The following FRMD4A variants were observed in gnomAD, a reference collection of about 807,000 sequenced individuals.
The protein encoded by FRMD4A is FERM domain-containing protein 4A.
In FRMD4A, 29 loss-of-function variants were observed where a neutral mutation model predicts 129.1. The observed-to-expected ratio is 0.22, with a 90% CI of 0.17 to 0.31. The LOEUF (loss-of-function observed/expected upper bound fraction) is 0.31. FRMD4A is among the 10% of genes least tolerant of loss of function. The pLI, the probability that FRMD4A is intolerant of heterozygous loss-of-function variation, is 1.00. For synonymous variants in FRMD4A, 634 were observed against 571.6 expected, an observed-to-expected ratio of 1.11 and a Z score of -1.56; for missense variants, 1,272 against 1,375.8, an observed-to-expected ratio of 0.92 and a Z score of 1.19.
At chr10:13,663,317 G>T in intron 19 of FRMD4A, 136 bp downstream of exon 19, 1 of 636,562 alleles carries the variant, frequency 1.6e-6, no homozygotes, top group Non-Finnish European at 2.8e-6. Flanking sequence ...ACTGGGAAAT[G>T]AGAGAGCTTG....
At chr10:13,686,362 T>C (rs1354057600) in intron 15 of FRMD4A, among the ~76,000 whole-genome samples, 1 of 152,244 alleles carries the variant, frequency 6.6e-6, no homozygotes, top group African/African-American at 2.4e-5. Context: ...GCCGCCATCA[T>C]GACGCTGACA....
chr10:13,888,878 A>G (rs2094659368), intron 2 of FRMD4A, among the ~76,000 whole-genome samples: 1 of 152,248 alleles, frequency 6.6e-6, no homozygotes, highest in Non-Finnish European at 1.5e-5. Flanking sequence ...ATTCTTCAAA[A>G]GTTATACTGT....
intron 2 of FRMD4A, among the ~76,000 whole-genome samples, chr10:14,075,664 G>A (rs1292740669): frequency 1.3e-5 from 2 of 152,078 alleles, no homozygotes; most frequent in African/African-American, 2.4e-5. Context: ...GCATGTGTGG[G>A]TATAATTTCT....
intron 2 of FRMD4A, among the ~76,000 whole-genome samples, chr10:13,914,295 C>A (rs1484650492): frequency 1.3e-5 from 2 of 152,120 alleles, no homozygotes; most frequent in East Asian, 3.8e-4. Context: ...GGTAAAATAA[C>A]CATATACAAG....
chr10:13,755,682 T>G (rs544886282), intron 8 of FRMD4A, among the ~76,000 whole-genome samples: 25 of 152,324 alleles, frequency 1.6e-4, no homozygotes, highest in African/African-American at 5.1e-4. Flanking sequence ...AAGCAAGCTG[T>G]TTTTCATTTT....
At chr10:13,896,061 G>A (rs561033148) in intron 2 of FRMD4A, among the ~76,000 whole-genome samples, 59 of 152,250 alleles carry the variant, frequency 3.9e-4, no homozygotes, top group Middle Eastern at 6.8e-3. Flanking sequence ...ATGCTTTTAC[G>A]CTGTTGGTGG....
intron 2 of FRMD4A, among the ~76,000 whole-genome samples, chr10:13,950,052 C>G (rs918757919): frequency 3.9e-5 from 6 of 152,234 alleles, no homozygotes; most frequent in African/African-American, 1.4e-4. Context: ...CTTCACAACT[C>G]TTTGCTGGGG....
intron 2 of FRMD4A, among the ~76,000 whole-genome samples, chr10:14,140,679 C>G (rs528996901): frequency 6.6e-6 from 1 of 152,140 alleles, no homozygotes; most frequent in Admixed American, 6.5e-5. Flanking sequence ...TCTCCTTAGA[C>G]CTATTCTCTT....
chr10:13,709,526 A>C (rs1348483471), intron 12 of FRMD4A, among the ~76,000 whole-genome samples: 1 of 151,866 alleles, frequency 6.6e-6, no homozygotes. Flanking sequence ...TCAAGCCCTG[A>C]GTTTTGGATT....
chr10:14,188,148 A>G (rs1419225138), intron 2 of FRMD4A, among the ~76,000 whole-genome samples: 1 of 152,158 alleles, frequency 6.6e-6, no homozygotes, highest in African/African-American at 2.4e-5. Context: ...TGTAAAAATG[A>G]CTTATTTCAT....
chr10:13,737,784 C>G lies in FRMD4A; in HGVS notation c.759+60G>C, dbSNP rs766393637. ...GGCGTTAGCATTTTTAAAGTGACTC[C>G]TACGCCTGTTCCTCTCTGGATCTGA... On this transcript the variant is annotated intron_variant, in intron 12 of 24. Coordinates refer to ENST00000357447, the MANE Select transcript of FRMD4A (RefSeq NM_018027.5). 3.1e-5 allele frequency: 29 copies of G among 924,898 alleles called. No individual in the cohort carries two copies. In the East Asian group the frequency reaches 5.8e-4, roughly 18 times the overall value. 57.3% of individuals were successfully genotyped at this position (924,898 alleles called of 1,614,324 possible).
At chr10:13,861,388 A>T (rs1200332438) in intron 2 of FRMD4A, among the ~76,000 whole-genome samples, 1 of 152,202 alleles carries the variant, frequency 6.6e-6, no homozygotes, top group Non-Finnish European at 1.5e-5. Flanking sequence ...AAAAGAAGTC[A>T]TCCCATATTT....
intron 2 of FRMD4A, among the ~76,000 whole-genome samples, chr10:14,186,841 C>G (rs553217344): frequency 7.9e-5 from 12 of 152,142 alleles, no homozygotes; most frequent in Admixed American, 3.9e-4. Flanking sequence ...CCTTCTCTGA[C>G]CAGTATGGTG....
chr10:14,198,805 C>T (rs1842545351), intron 2 of FRMD4A, among the ~76,000 whole-genome samples: 1 of 152,166 alleles, frequency 6.6e-6, no homozygotes, highest in Admixed American at 6.5e-5. Flanking sequence ...GAGTTAAATT[C>T]CAACTCCGCA....
At chr10:14,033,121 A>G (rs1040506066) in intron 2 of FRMD4A, among the ~76,000 whole-genome samples, 1 of 152,188 alleles carries the variant, frequency 6.6e-6, no homozygotes, top group Admixed American at 6.5e-5. Context: ...AGCCTGGCCA[A>G]CATGGTGAAA....
intron 14 of FRMD4A, among the ~76,000 whole-genome samples, chr10:13,696,461 A>G (rs1041542800): frequency 3.3e-5 from 5 of 152,188 alleles, no homozygotes; most frequent in Non-Finnish European, 5.9e-5. Flanking sequence ...CCTGAATTAG[A>G]GCTGGGCATG....
At chr10:14,272,522 A>G (rs1041114176) in intron 2 of FRMD4A, among the ~76,000 whole-genome samples, 1 of 152,210 alleles carries the variant, frequency 6.6e-6, no homozygotes, top group African/African-American at 2.4e-5. Flanking sequence ...TAACACGTCT[A>G]TTACCAACCT....
At chr10:13,717,511 G>A (rs915380878) in intron 12 of FRMD4A, among the ~76,000 whole-genome samples, 2 of 151,562 alleles carry the variant, frequency 1.3e-5, no homozygotes, top group African/African-American at 2.4e-5. Flanking sequence ...ATGGGGTTTC[G>A]CCATGTTGAC....
intron 2 of FRMD4A, among the ~76,000 whole-genome samples, chr10:13,877,246 GTATGTCCTGCCAGGCC>G (rs2094497657): frequency 6.6e-6 from 1 of 152,190 alleles, no homozygotes; most frequent in Non-Finnish European, 1.5e-5. Context: ...TATGAGGTTA[GTATGTCCTGCCAGGCC>G]ACCTGCTTTG....
Sources: gnomAD v4.1 joint callset for allele counts (sites outside exome capture counted in the v4.1 genomes callset) on GRCh38, gnomAD v4.1.1 for gene constraint, MANE v1.5 for transcripts, NCBI Gene and HGNC (gene_info 2026-07-23, HGNC 2026-07-21) for gene names.